The following MIDN variants were observed in gnomAD, a reference collection of about 807,000 sequenced individuals.
The protein encoded by MIDN is midbrain nucleolar protein.
MIDN carries 26 observed loss-of-function variants against 46.1 expected under a neutral mutation model. The ratio of observed to expected loss-of-function variants is 0.56; its 90% CI spans 0.41 to 0.78. The LOEUF (loss-of-function observed/expected upper bound fraction) is 0.78, where lower values mean the gene tolerates loss of function less well. Among genes scored for constraint, MIDN ranks in the 30% least tolerant of loss-of-function variants. MIDN has a pLI of 0.00. For synonymous variants in MIDN, 432 were observed against 343.3 expected (o/e 1.26, Z -2.86); for missense variants, 850 against 771.8 (o/e 1.10, Z -1.20).
rs372267981 is a variant in MIDN, at chr19:1,257,181, G to A, written c.1445G>A (p.Ser482Asn). ...AGCAGCGGGGGCGGCGGCAGCCCCA[G>A]CGAGGCCTCCGGCTTGGGCCTCGAC... ...SSSSGGGGSP[S>N]EASGLGLDFE... Residue 482 changes from serine to asparagine, a missense_variant, in exon 9 of 9, where the codon AGC becomes AAC. Physicochemically the swap from Ser to Asn is conservative, Grantham distance 46 (BLOSUM62 1). Transcript: ENST00000682408. The A allele has an allele frequency of 3.7e-6, 6 of 1,611,854 alleles. No individual in the cohort carries two copies. The highest frequency in any genetic ancestry group is 4.2e-6 in the Non-Finnish European group (5 of 1,179,446).
intron 4 of MIDN, among the ~76,000 whole-genome samples, chr19:1,252,340 C>T (rs921539544): frequency 6.6e-5 from 10 of 152,104 alleles, no homozygotes; most frequent in Non-Finnish European, 1.2e-4. Flanking sequence ...TTCCGCCTTC[C>T]GTGACCCCCA....
rs890143559 is a variant in MIDN at position 1,257,033 on chromosome 19, T to G, written c.1297T>G (p.Cys433Gly). The change falls in exon 9 of 9, where the codon TGC becomes GGC. Residue 433 changes from cysteine (C) to glycine (G), a missense_variant. Coordinates refer to ENST00000682408, the MANE Select transcript of MIDN (RefSeq NM_001388306.1). ...GCAGACAGAAAACCGCGCCACGCGC[T>G]GCAAGGTGGAACGGCTGCAGCTGCT... is the stretch of plus-strand genomic sequence containing the variant. ...LRQTENRATR[C>G]KVERLQLLLQ... 6.2e-7 allele frequency: 1 copy of G among 1,612,072 alleles called. No homozygotes were observed. The highest frequency in any genetic ancestry group is 8.5e-7 in the Non-Finnish European group (1 of 1,179,944).
chr19:1,257,032 C>T lies in MIDN; in HGVS notation c.1296C>T (p.Arg432=), dbSNP rs1026974636. ...GGCAGACAGAAAACCGCGCCACGCG[C>T]TGCAAGGTGGAACGGCTGCAGCTGC... The part of the protein sequence containing the change: ...RLRQTENRAT[R]CKVERLQLLL... The change falls in exon 9 of 9, where the codon CGC becomes CGT. Residue 432 remains arginine (R), a synonymous_variant. Coordinates refer to ENST00000682408, the MANE Select transcript of MIDN (RefSeq NM_001388306.1). The T allele has an allele frequency of 7.4e-6, 12 of 1,611,952 alleles. No individual in the cohort carries two copies. In the African/African-American group the frequency reaches 1.3e-4, roughly 18 times the overall value.
In MIDN at chr19:1,256,206, G is replaced by A. The variant is rs112211582; in HGVS notation, c.1258+512G>A. On this transcript the variant is annotated intron_variant, in intron 8 of 8. Transcript: ENST00000682408. ...TCAGTTTAAAAGTGGGAAACTGGCC[G>A]GGCGCGGTGGCTCACGCCTGTAATC... Among the ~76,000 whole-genome samples, 8 of 152,366 alleles carry A rather than the reference G, an allele frequency of 5.3e-5. No homozygotes were observed. In the East Asian group the frequency reaches 1.2e-3, roughly 22 times the overall value.
intron 4 of MIDN, 38 bp from the exon 5 acceptor site, chr19:1,253,916 G>C: frequency 7.3e-7 from 1 of 1,366,092 alleles, no homozygotes; most frequent in African/African-American, 1.6e-5. Flanking sequence ...TGGCCAGGGA[G>C]GGGCAGGCCC....
chr19:1,255,808 A>G (rs1599989874), intron 8 of MIDN, 114 bp downstream of exon 8: 1 of 1,032,778 alleles, frequency 9.7e-7, no homozygotes, highest in South Asian at 1.7e-5. Flanking sequence ...GCTGGGGGGG[A>G]TGGCAGCTGC....
chr19:1,252,558 T>A (rs1012616014), intron 4 of MIDN, among the ~76,000 whole-genome samples: 82 of 152,200 alleles, frequency 5.4e-4, no homozygotes, highest in African/African-American at 1.8e-3. Flanking sequence ...TTTTTTTTTT[T>A]TCTCCTTCTT....
At chr19:1,251,471 C>T (rs1404907582) in intron 2 of MIDN, 91 bp from the exon 3 acceptor site, 7 of 1,187,048 alleles carry the variant, frequency 5.9e-6, no homozygotes, top group Middle Eastern at 1.9e-4. Flanking sequence ...TCCGTCTCTC[C>T]CCACACAAGC....
chr19:1,254,894 C>T lies in MIDN; in HGVS notation c.826-8C>T. The T allele has an allele frequency of 6.3e-7, 1 of 1,597,752 alleles. No individual in the cohort carries two copies. The highest frequency in any genetic ancestry group is 1.3e-5 in the African/African-American group (1 of 74,750). ...ACCCCGTGCTCATGTGCCCCTTCCT[C>T]CCATCAGCAGATGGACTGCTCCCCC... On this transcript the variant is annotated splice_region_variant and splice_polypyrimidine_tract_variant and intron_variant, in intron 6 of 8. Transcript: ENST00000682408.
Position 1,259,079 on chromosome 19 carries a change from T to TG in MIDN, c.*1808dup, listed in dbSNP as rs1555751278. 2.9e-5 allele frequency: 3 copies of TG among 104,590 alleles called. No homozygotes were observed. The highest frequency in any genetic ancestry group is 2.6e-4 in the South Asian group (1 of 3,868). 6.5% of individuals were successfully genotyped at this position (104,590 alleles called of 1,614,324 possible). A position where few individuals can be genotyped will look rare whatever the true frequency, so the allele number is the denominator to read the frequency against. Reference sequence around the variant, plus strand: ...AGTTTCATGTATGAAAACATAAAATTGAAAAAAAAAAAAAAACCTACACGA... The same window carrying TG: ...AGTTTCATGTATGAAAACATAAAATTGGAAAAAAAAAAAAAAACCTACACGA... On this transcript the variant is annotated 3_prime_UTR_variant, in exon 9 of 9. Transcript: ENST00000682408.
intron 8 of MIDN, 61 bp downstream of exon 8, chr19:1,255,755 CTG>C: frequency 7.0e-7 from 1 of 1,431,788 alleles, no homozygotes; most frequent in South Asian, 1.4e-5. Context: ...CAAGGCCCCT[CTG>C]TGTGAGCTGG....
In MIDN at chr19:1,249,942, G is replaced by A. The variant is rs2081102902; in HGVS notation, c.-355G>A. ...GCTAAGGGAGGGGACGCGCGAGGAA[G>A]CGCGACCCGGGCGGCAGACGGCACC... On this transcript the variant is annotated 5_prime_UTR_variant, in exon 2 of 9. Transcript: ENST00000682408. 6.6e-6 allele frequency: 1 copy of A among 151,968 alleles called. No individual in the cohort carries two copies. Among genetic ancestry groups the A allele is most frequent in the Admixed American group, 6.5e-5 (1 of 15,276 alleles). 9.4% of individuals were successfully genotyped at this position (151,968 alleles called of 1,614,324 possible). A position where few individuals can be genotyped will look rare whatever the true frequency, so the allele number is the denominator to read the frequency against.
rs1445312702 is a variant in MIDN at position 1,257,284 on chromosome 19, C to T, written c.*12C>T. On this transcript the variant is annotated 3_prime_UTR_variant, in exon 9 of 9. Transcript: ENST00000682408. Reference sequence around the variant, plus strand: ...TCGTGGTGGCTTAGGATCTTCGGATCGGCCACCCTCGCCCCTCGCACCCCA... The same window carrying T: ...TCGTGGTGGCTTAGGATCTTCGGATTGGCCACCCTCGCCCCTCGCACCCCA... The T allele has an allele frequency of 3.1e-5, 50 of 1,608,688 alleles. No individual in the cohort carries two copies. The highest frequency in any genetic ancestry group is 6.7e-5 in the African/African-American group (5 of 74,812).
chr19:1,253,427 C>T (rs942271706), intron 4 of MIDN, among the ~76,000 whole-genome samples: 4 of 151,510 alleles, frequency 2.6e-5, no homozygotes, highest in Non-Finnish European at 4.4e-5. Context: ...CGCCACCCCC[C>T]CCCCCATCCC....
chr19:1,256,991 G>T lies in MIDN; in HGVS notation c.1259-4G>T, dbSNP rs749187910. 6.2e-7 allele frequency: 1 copy of T among 1,607,950 alleles called. No homozygotes were observed. Among genetic ancestry groups the T allele is most frequent in the South Asian group, 1.1e-5 (1 of 91,078 alleles). On this transcript the variant is annotated splice_region_variant and splice_polypyrimidine_tract_variant and intron_variant, in intron 8 of 8. Transcript: ENST00000682408. ...GGAGTCACAGGCCACTACCTCCTTT[G>T]CAGGGGACCGGCTTCGGCAGACAGA...
intron 6 of MIDN, 33 bp from the exon 7 acceptor site, chr19:1,254,869 A>T: frequency 6.3e-7 from 1 of 1,576,924 alleles, no homozygotes; most frequent in Non-Finnish European, 8.6e-7. Flanking sequence ...CTGATCCTGG[A>T]CCCCGTGCTC....
chr19:1,252,741 G>A (rs907813721), intron 4 of MIDN, among the ~76,000 whole-genome samples: 5 of 152,078 alleles, frequency 3.3e-5, no homozygotes, highest in Admixed American at 6.5e-5. Context: ...CCCGAGGCCC[G>A]CACCCCCTTC....
chr19:1,253,855 C>A, intron 4 of MIDN, 99 bp from the exon 5 acceptor site: 1 of 1,017,280 alleles, frequency 9.8e-7, no homozygotes, highest in Non-Finnish European at 1.3e-6. Flanking sequence ...TGACTGCCAG[C>A]TGGGCCCCGC....
intron 4 of MIDN, among the ~76,000 whole-genome samples, chr19:1,253,033 T>A (rs2081151242): frequency 1.8e-5 from 1 of 57,120 alleles, no homozygotes; most frequent in Non-Finnish European, 3.4e-5. Context: ...AGGAGCTGGG[T>A]TGGGGGGGGC....
Sources: allele counts gnomAD v4.1 joint callset (sites outside exome capture counted in the v4.1 genomes callset), GRCh38; gene constraint gnomAD v4.1.1; transcripts MANE v1.5; gene names NCBI Gene and HGNC (gene_info 2026-07-23, HGNC 2026-07-21).